The following QPCTL variants were observed in gnomAD, a reference collection of about 807,000 sequenced individuals.
QPCTL encodes glutaminyl-peptide cyclotransferase-like protein.
In QPCTL, 31 loss-of-function variants were observed where a neutral mutation model predicts 34.6. The observed-to-expected ratio is 0.90, with a 90% CI of 0.67 to 1.21. The LOEUF (loss-of-function observed/expected upper bound fraction) is 1.21, where lower values mean the gene tolerates loss of function less well. Ranked by LOEUF, QPCTL falls within the 50% of genes most tolerant of loss-of-function variation. The pLI, the probability that QPCTL is intolerant of heterozygous loss-of-function variation, is 0.00. For synonymous variants in QPCTL, 223 were observed against 226.9 expected (o/e 0.98, Z 0.15); for missense variants, 474 against 507.8 (o/e 0.93, Z 0.64).
chr19:45,700,800 A>T (rs1461353002), intron 5 of QPCTL, among the ~76,000 whole-genome samples: 1 of 151,924 alleles, frequency 6.6e-6, no homozygotes, highest in African/African-American at 2.4e-5. Context: ...CTCTACTAAT[A>T]ATACACAAAT....
chr19:45,694,286 C>G (rs1177431142), intron 2 of QPCTL, among the ~76,000 whole-genome samples: 2 of 151,404 alleles, frequency 1.3e-5, no homozygotes, highest in East Asian at 2.0e-4. Context: ...GGCTGAGGCA[C>G]GAGAATCACT....
At chr19:45,697,569 G>A (rs911672569) in intron 3 of QPCTL, among the ~76,000 whole-genome samples, 2 of 151,886 alleles carry the variant, frequency 1.3e-5, no homozygotes, top group Admixed American at 6.6e-5. Flanking sequence ...TAAACCTTCC[G>A]TACCCCTCTC....
intron 3 of QPCTL, among the ~76,000 whole-genome samples, chr19:45,697,705 C>T (rs949744423): frequency 2.6e-5 from 4 of 152,144 alleles, no homozygotes; most frequent in African/African-American, 9.7e-5. Flanking sequence ...AACATCCCTT[C>T]CCAAAAGACC....
At chr19:45,701,152 G>A (rs1007481977) in intron 5 of QPCTL, among the ~76,000 whole-genome samples, 2 of 151,974 alleles carry the variant, frequency 1.3e-5, no homozygotes, top group Non-Finnish European at 2.9e-5. Context: ...AGGCATGGGG[G>A]CATGCGCCTG....
chr19:45,699,082 G>A (rs1240499065), intron 5 of QPCTL, among the ~76,000 whole-genome samples, 182 bp downstream of exon 5: 1 of 139,506 alleles, frequency 7.2e-6, no homozygotes, highest in Non-Finnish European at 1.5e-5. Context: ...CACTGAGACT[G>A]GAGTGCAGTG....
At chr19:45,693,021 T>C (rs545991282) in intron 1 of QPCTL, 111 bp downstream of exon 1, 8 of 1,137,732 alleles carry the variant, frequency 7.0e-6, no homozygotes, top group African/African-American at 4.7e-5. Context: ...GCCACCGTCT[T>C]CGTCATCTGA....
rs758417138 is a variant in QPCTL, at chr19:45,701,905, C to T, written c.994C>T (p.Leu332Phe). 7.4e-6 allele frequency: 12 copies of T among 1,611,050 alleles called. No individual in the cohort carries two copies. The highest frequency in any genetic ancestry group is 1.0e-5 in the Non-Finnish European group (12 of 1,177,492). ...GSVEDDHIPF[L>F]RRGVPVLHLI... ...TGTGGAAGACGACCACATCCCCTTC[C>T]TCCGCAGAGGTACCAGCTGCAGGGA... Residue 332 changes from leucine (L) to phenylalanine (F), a missense_variant, in exon 6 of 7, where the codon CTC becomes TTC. Leu to Phe is a conservative substitution (Grantham distance 22). Coordinates refer to ENST00000012049, the MANE Select transcript of QPCTL (RefSeq NM_017659.4).
chr19:45,696,297 G>C (rs1967695946), intron 3 of QPCTL, among the ~76,000 whole-genome samples: 1 of 152,064 alleles, frequency 6.6e-6, no homozygotes, highest in African/African-American at 2.4e-5. Flanking sequence ...GCTTTGGATA[G>C]AATGTGCTTT....
Position 45,695,646 on chromosome 19 carries a change from G to C in QPCTL, c.561G>C (p.Ser187=). ...CCCCCTTTGTAGGGGCCACGGATTC[G>C]GCTGTGCCCTGTGCCCTGCTGCTGG... The part of the protein sequence containing the change: ...GSTPFVGATD[S]AVPCALLLEL... Residue 187 remains serine (S), a synonymous_variant, in exon 3 of 7, where the codon TCG becomes TCC. Coordinates refer to ENST00000012049, the MANE Select transcript of QPCTL (RefSeq NM_017659.4). The C allele has an allele frequency of 6.2e-7, 1 of 1,613,912 alleles. No homozygotes were observed.
chr19:45,696,848 C>T (rs777863200), intron 3 of QPCTL, among the ~76,000 whole-genome samples: 2 of 152,068 alleles, frequency 1.3e-5, no homozygotes, highest in Non-Finnish European at 2.9e-5. Flanking sequence ...CCCGGCCGGG[C>T]GTGGTAACTC....
In QPCTL at chr19:45,692,773, C is replaced by T. The variant is rs777405000; in HGVS notation, c.70C>T (p.Pro24Ser). ...GERGLMEPLL[P>S]PKRRLLPRVR... ...ACGTGGCCTCATGGAGCCACTCTTG[C>T]CGCCGAAGCGCCGCCTGCTACCGCG... Residue 24 changes from proline to serine, a missense_variant, in exon 1 of 7, where the codon CCG (proline) becomes TCG (serine). Pro to Ser is a moderately conservative substitution (Grantham distance 74). Coordinates refer to ENST00000012049, the MANE Select transcript of QPCTL (RefSeq NM_017659.4). 5.0e-6 allele frequency: 8 copies of T among 1,589,988 alleles called. No individual in the cohort carries two copies. The highest frequency in any genetic ancestry group is 6.8e-6 in the Non-Finnish European group (8 of 1,168,294).
rs1032462535 is a variant in QPCTL at position 45,698,427 on chromosome 19, C to T, written c.634-120C>T. ...AATCTGTGCTCTTGGCTACCACGTTCTATGAGTGAGGACACCTTATGTGTT... is the reference window on the plus strand; with the variant it reads ...AATCTGTGCTCTTGGCTACCACGTTTTATGAGTGAGGACACCTTATGTGTT... On this transcript the variant is annotated intron_variant, in intron 3 of 6. Transcript: ENST00000012049. 9.7e-6 allele frequency: 12 copies of T among 1,236,502 alleles called. No individual in the cohort carries two copies. The East Asian group carries it at 1.7e-4, about 18-fold the overall frequency. 76.6% of individuals were successfully genotyped at this position (1,236,502 alleles called of 1,614,324 possible).
chr19:45,696,078 T>G (rs992030632), intron 3 of QPCTL, among the ~76,000 whole-genome samples: 23 of 151,790 alleles, frequency 1.5e-4, no homozygotes, highest in Non-Finnish European at 3.1e-4. Flanking sequence ...TTCTCTTTCC[T>G]CTCCCCCAAA....
chr19:45,698,017 T>C (rs1967732609), intron 3 of QPCTL, among the ~76,000 whole-genome samples: 2 of 152,038 alleles, frequency 1.3e-5, no homozygotes, highest in South Asian at 4.2e-4. Context: ...CTGAGGTAGG[T>C]GGATCATTTG....
At chr19:45,697,565 T>A (rs955430997) in intron 3 of QPCTL, among the ~76,000 whole-genome samples, 19 of 152,138 alleles carry the variant, frequency 1.2e-4, no homozygotes, top group African/African-American at 4.6e-4. Context: ...TTGCTAAACC[T>A]TCCGTACCCC....
chr19:45,699,915 G>A (rs1430132119), intron 5 of QPCTL, among the ~76,000 whole-genome samples: 7 of 134,556 alleles, frequency 5.2e-5, no homozygotes, highest in Admixed American at 1.6e-4. Context: ...CTGGGCAACA[G>A]AGCGAGACTC....
chr19:45,702,381 T>TG (rs1456544156), intron 6 of QPCTL, among the ~76,000 whole-genome samples: 8 of 151,560 alleles, frequency 5.3e-5, no homozygotes, highest in African/African-American at 1.2e-4. Flanking sequence ...GAGGAGCACT[T>TG]GGGCCTGGGA....
chr19:45,693,515 G>T lies in QPCTL; in HGVS notation c.310G>T (p.Val104Leu). 4 of 1,612,762 alleles carry T rather than the reference G, an allele frequency of 2.5e-6. No individual in the cohort carries two copies. The highest frequency in any genetic ancestry group is 3.4e-6 in the Non-Finnish European group (4 of 1,179,298). The change falls in exon 2 of 7, where the codon GTG becomes TTG. Residue 104 changes from valine to leucine, a missense_variant. Transcript: ENST00000012049. ...WSTYLRPLLV[V>L]RTPGSPGNLQ... The stretch of plus-strand genomic sequence containing the variant: ...CACTTATCTGCGCCCCCTGCTGGTT[G>T]TGCGAACCCCGGGCAGCCCGGGAAA...
At chr19:45,702,712 C>T (rs899980163) in intron 6 of QPCTL, among the ~76,000 whole-genome samples, 192 bp from the exon 7 acceptor site, 4 of 150,852 alleles carry the variant, frequency 2.7e-5, no homozygotes, top group Admixed American at 6.6e-5. Flanking sequence ...TGCAGTGAGC[C>T]GAGATCACGC....
Sources: allele counts gnomAD v4.1 joint callset (sites outside exome capture counted in the v4.1 genomes callset), GRCh38; gene constraint gnomAD v4.1.1; transcripts MANE v1.5; gene names NCBI Gene and HGNC (gene_info 2026-07-23, HGNC 2026-07-21).